SP110: variants seen among roughly 807,000 people sequenced by gnomAD.
SP110 encodes interferon-induced protein 41, 30kD.
In SP110, 62 loss-of-function variants were observed where a neutral mutation model predicts 92.7. The observed-to-expected ratio is 0.67, with a 90% CI of 0.55 to 0.83. The LOEUF is 0.83. Ranked by LOEUF, SP110 falls within the 40% of genes least tolerant of loss-of-function variation. The probability of loss-of-function intolerance (pLI) is 0.00; values close to 1 mark genes in which losing one functional copy is unlikely to be tolerated. For synonymous variants in SP110, 273 were observed against 305.3 expected, an observed-to-expected ratio of 0.89 and a Z score of 1.10; for missense variants, 793 against 863.9, an observed-to-expected ratio of 0.92 and a Z score of 1.03.
At chr2:230,215,324 C>G (rs1006138894) in intron 2 of SP110, among the ~76,000 whole-genome samples, 2 of 152,070 alleles carry the variant, frequency 1.3e-5, no homozygotes, top group South Asian at 4.2e-4. Flanking sequence ...GGATGACTAG[C>G]AACAAAAATA....
At position 230,168,945 on chromosome 2, in the gene SP110, A is replaced by C; in HGVS notation, c.*179T>G. ...TTTTTTTTTTTTAGTGTAGATATAGACTTTTAAAGGTAAAAAGAAAGAATA... is the reference window on the plus strand; with the variant it reads ...TTTTTTTTTTTTAGTGTAGATATAGCCTTTTAAAGGTAAAAAGAAAGAATA... On this transcript the variant is annotated 3_prime_UTR_variant, in exon 19 of 19. Coordinates refer to ENST00000258381, the MANE Select transcript of SP110 (RefSeq NM_080424.4). 1.7e-6 allele frequency: 1 copy of C among 584,572 alleles called. No homozygotes were observed. The highest frequency in any genetic ancestry group is 3.1e-6 in the Non-Finnish European group (1 of 324,450). The allele number at this position is 584,572 out of a possible 1,614,324, so 36.2% of individuals were successfully genotyped here.
intron 3 of SP110, chr2:230,214,170 G>T (rs1221262106): frequency 6.6e-6 from 1 of 152,214 alleles, no homozygotes; most frequent in African/African-American, 2.4e-5. Flanking sequence ...TCCCAACTCT[G>T]CCACTGTTCT....
In SP110 at chr2:230,199,922, C is replaced by T. The variant is rs538941055; in HGVS notation, c.1129+963G>A. ...GTTCCTGGGGACCAGGTTGTTAACCCGGTGGCAGCCAGCCCTTACCCAGGG... is the reference window on the plus strand; with the variant it reads ...GTTCCTGGGGACCAGGTTGTTAACCTGGTGGCAGCCAGCCCTTACCCAGGG... On this transcript the variant is annotated intron_variant, in intron 10 of 18. Coordinates refer to ENST00000258381, the MANE Select transcript of SP110 (RefSeq NM_080424.4). 4.6e-5 allele frequency among the ~76,000 whole-genome samples: 7 copies of T among 152,220 alleles called. 1 individual carries two copies. The highest frequency in any genetic ancestry group is 3.4e-3 in the Middle Eastern group (1 of 294).
intron 11 of SP110, among the ~76,000 whole-genome samples, chr2:230,184,590 A>G (rs1299870632): frequency 3.3e-5 from 5 of 152,238 alleles, no homozygotes; most frequent in African/African-American, 1.2e-4. Flanking sequence ...TGATTTGTCT[A>G]TCTAACTAAG....
chr2:230,173,841 G>C (rs189388997), intron 14 of SP110: 4 of 152,260 alleles, frequency 2.6e-5, no homozygotes, highest in Non-Finnish European at 4.4e-5. Flanking sequence ...AATGTGTTCT[G>C]TTCAGCGCCT....
At chr2:230,181,119 G>C (rs1054933060) in intron 12 of SP110, among the ~76,000 whole-genome samples, 9 of 152,188 alleles carry the variant, frequency 5.9e-5, no homozygotes, top group Non-Finnish European at 8.8e-5. Context: ...CCTTTAAGGG[G>C]TGCTCTAATT....
intron 10 of SP110, chr2:230,200,583 T>G: frequency 2.3e-6 from 1 of 438,196 alleles, no homozygotes; most frequent in Non-Finnish European, 4.2e-6. Flanking sequence ...CTTAGGACAC[T>G]CATTCTCAGT....
rs368918729 is a variant in SP110 at position 230,186,193 on chromosome 2, C to A, written c.1130-50G>T. The A allele has an allele frequency of 8.8e-6, 14 of 1,584,854 alleles. No individual in the cohort carries two copies. The African/African-American group carries it at 1.8e-4, about 20-fold the overall frequency. On this transcript the variant is annotated intron_variant, in intron 10 of 18. Transcript: ENST00000258381. ...GTTTAGTGAGCTCCCTTCTCATGTT[C>A]CCAGCCCCTACCCTTTCAGGAGTTA...
intron 10 of SP110, among the ~76,000 whole-genome samples, chr2:230,199,608 C>T (rs572500655): frequency 7.9e-5 from 12 of 152,036 alleles, no homozygotes; most frequent in East Asian, 1.9e-4. Flanking sequence ...AAAAGCATAA[C>T]GCTTTTTCTG....
In SP110 at chr2:230,212,913, G is replaced by A; in HGVS notation, c.431C>T (p.Pro144Leu). 1 of 1,614,086 alleles carries A rather than the reference G, an allele frequency of 6.2e-7. No homozygotes were observed. Among genetic ancestry groups the A allele is most frequent in the Non-Finnish European group, 8.5e-7 (1 of 1,180,008 alleles). The change falls in exon 4 of 19, where the codon CCC becomes CTC. Residue 144 changes from proline (P) to leucine (L), a missense_variant. Pro to Leu is a moderately conservative substitution (Grantham distance 98, BLOSUM62 -3). Transcript: ENST00000258381. ...ACAGGGTGAACAGCTTGGTTGAGGGGGTTGTGGTGGGGGCAGCGCCAGTGG... is the reference window on the plus strand; with the variant it reads ...ACAGGGTGAACAGCTTGGTTGAGGGAGTTGTGGTGGGGGCAGCGCCAGTGG... The part of the protein sequence containing the change: ...HTPLALPPPQ[P>L]PQPSCSPCAP...
intron 8 of SP110, among the ~76,000 whole-genome samples, chr2:230,206,519 A>G (rs1203987769): frequency 6.8e-6 from 1 of 147,350 alleles, no homozygotes; most frequent in African/African-American, 2.5e-5. Context: ...CATAGATCAG[A>G]ATACCTTTAT....
At chr2:230,190,071 T>C (rs2042542780) in intron 10 of SP110, among the ~76,000 whole-genome samples, 1 of 152,226 alleles carries the variant, frequency 6.6e-6, no homozygotes, top group Non-Finnish European at 1.5e-5. Flanking sequence ...ATATACCCAG[T>C]AATGGGATTG....
chr2:230,184,253 A>G (rs1403604758), intron 11 of SP110, among the ~76,000 whole-genome samples: 1 of 152,246 alleles, frequency 6.6e-6, no homozygotes, highest in Non-Finnish European at 1.5e-5. Flanking sequence ...TCATGGATCA[A>G]AAAACTGCTT....
chr2:230,183,740 T>C (rs1357210029), intron 11 of SP110, 100 bp from the exon 12 acceptor site: 42 of 837,614 alleles, frequency 5.0e-5, no homozygotes, highest in Non-Finnish European at 8.5e-5. Flanking sequence ...TTCTACCAGT[T>C]TGGAGAGACA....
chr2:230,217,727 C>G (rs2045377591), intron 1 of SP110, among the ~76,000 whole-genome samples: 1 of 152,176 alleles, frequency 6.6e-6, no homozygotes, highest in African/African-American at 2.4e-5. Flanking sequence ...TCCAGGCTTA[C>G]AGTGCTAACT....
At position 230,166,688 on chromosome 2, in the gene SP110, C is replaced by G. The variant is rs1428103423; in HGVS notation, c.*2436G>C. On this transcript the variant is annotated 3_prime_UTR_variant, in exon 19 of 19. Coordinates refer to ENST00000258381, the MANE Select transcript of SP110 (RefSeq NM_080424.4). Reference sequence around the variant, plus strand: ...ATTCTGTTAACTTTTATTGTTGTACCTGGGGATTGAGCAAGTGAGTAAATA... The same window carrying G: ...ATTCTGTTAACTTTTATTGTTGTACGTGGGGATTGAGCAAGTGAGTAAATA... Among the ~76,000 whole-genome samples, 1 of 152,024 alleles carries G rather than the reference C, an allele frequency of 6.6e-6. No homozygotes were observed. The highest frequency in any genetic ancestry group is 1.5e-5 in the Non-Finnish European group (1 of 68,024).
intron 10 of SP110, among the ~76,000 whole-genome samples, chr2:230,190,971 G>C (rs530420681): frequency 6.6e-6 from 1 of 152,286 alleles, no homozygotes; most frequent in East Asian, 1.9e-4. Flanking sequence ...TTGTCGTATT[G>C]TTCAAAGTCA....
At chr2:230,214,862 C>T (rs1245896490) in intron 3 of SP110, 88 bp downstream of exon 3, 96 of 1,079,698 alleles carry the variant, frequency 8.9e-5, no homozygotes, top group South Asian at 7.3e-4. Flanking sequence ...GGGGGATTAA[C>T]GTGCATATTC....
chr2:230,225,504 A>G lies in SP110; in HGVS notation c.-64+31T>C, dbSNP rs547212256. On this transcript the variant is annotated intron_variant, in intron 1 of 15. Coordinates refer to the SP110 transcript ENST00000540870. Reference sequence around the variant, plus strand: ...CAGCAAGGGGTGGGGACAAATACAGAGTTTACTTCCTCCTCATGATGCCAC... The same window carrying G: ...CAGCAAGGGGTGGGGACAAATACAGGGTTTACTTCCTCCTCATGATGCCAC... 7.9e-6 allele frequency: 3 copies of G among 381,194 alleles called. No individual in the cohort carries two copies. The East Asian group carries it at 2.0e-4, about 25-fold the overall frequency. 23.6% of individuals were successfully genotyped at this position (381,194 alleles called of 1,614,324 possible). A position where few individuals can be genotyped will look rare whatever the true frequency, so the allele number is the denominator to read the frequency against.
Sources: allele counts gnomAD v4.1 joint callset (sites outside exome capture counted in the v4.1 genomes callset), GRCh38; gene constraint gnomAD v4.1.1; transcripts MANE v1.5; gene names NCBI Gene and HGNC (gene_info 2026-07-23, HGNC 2026-07-21).